Variants in RHOF observed in about 807,000 individuals in gnomAD.
The protein encoded by RHOF is ras homolog family member F, filopodia associated.
RHOF carries 21 observed loss-of-function variants against 22.2 expected under a neutral mutation model. The ratio of observed to expected loss-of-function variants is 0.95; its 90% CI spans 0.67 to 1.36. The LOEUF (loss-of-function observed/expected upper bound fraction) is 1.36. RHOF is among the 40% of genes most tolerant of loss of function. The probability of loss-of-function intolerance (pLI) is 0.00; values close to 1 mark genes in which losing one functional copy is unlikely to be tolerated. For synonymous variants in RHOF, 135 were observed against 131.2 expected (o/e 1.03, Z -0.20); for missense variants, 285 against 293.7 (o/e 0.97, Z 0.22).
intron 2 of RHOF, 65 bp from the exon 3 acceptor site, chr12:121,781,257 G>A: frequency 8.8e-6 from 13 of 1,470,714 alleles, no homozygotes; most frequent in Non-Finnish European, 1.1e-5. Flanking sequence ...GACGGGTGAA[G>A]GGGAAGGGGC....
At chr12:121,784,289 G>C (rs930374704) in intron 2 of RHOF, among the ~76,000 whole-genome samples, 9 of 151,912 alleles carry the variant, frequency 5.9e-5, no homozygotes, top group Admixed American at 3.3e-4. Flanking sequence ...GCTCATGCTT[G>C]TAATCCCAGC....
At chr12:121,787,272 T>G (rs1293270572) in intron 2 of RHOF, among the ~76,000 whole-genome samples, 1 of 152,098 alleles carries the variant, frequency 6.6e-6, no homozygotes, top group Non-Finnish European at 1.5e-5. Flanking sequence ...GCATTCCACT[T>G]CCTGACCTGT....
intron 2 of RHOF, among the ~76,000 whole-genome samples, chr12:121,784,539 C>T (rs1874557009): frequency 7.0e-6 from 1 of 142,554 alleles, no homozygotes; most frequent in African/African-American, 2.6e-5. Context: ...AGCAAGACGT[C>T]GTCTCAAAAA....
intron 2 of RHOF, 52 bp downstream of exon 2, chr12:121,793,100 A>C: frequency 6.8e-7 from 1 of 1,465,580 alleles, no homozygotes; most frequent in African/African-American, 1.4e-5. Context: ...CGGGAGGGGA[A>C]ACCCTTCGGG....
intron 2 of RHOF, among the ~76,000 whole-genome samples, chr12:121,784,963 A>G (rs1471799236): frequency 6.6e-6 from 1 of 152,296 alleles, no homozygotes; most frequent in African/African-American, 2.4e-5. Context: ...GTTTTTTTCT[A>G]TATGTACACA....
chr12:121,788,268 C>T (rs955280603), intron 2 of RHOF, among the ~76,000 whole-genome samples: 7 of 152,034 alleles, frequency 4.6e-5, no homozygotes, highest in African/African-American at 1.2e-4. Context: ...TCTTAGCCTA[C>T]CCCAGAAAAC....
chr12:121,780,551 A>C (rs1874411896), intron 4 of RHOF: 2 of 480,738 alleles, frequency 4.2e-6, no homozygotes, highest in Middle Eastern at 2.8e-4. Context: ...TTTGGATTGC[A>C]GTGGATGGGA....
intron 2 of RHOF, chr12:121,782,054 C>T (rs1874483289): frequency 1.3e-5 from 2 of 152,158 alleles, no homozygotes; most frequent in Non-Finnish European, 2.9e-5. Context: ...AGTAAAATTG[C>T]AACACGAGTA....
At chr12:121,791,206 A>G (rs1566535341) in intron 2 of RHOF, among the ~76,000 whole-genome samples, 1 of 151,754 alleles carries the variant, frequency 6.6e-6, no homozygotes, top group Admixed American at 6.6e-5. Flanking sequence ...GCTCACTGCA[A>G]CCTCTGCCTC....
At chr12:121,785,094 C>T (rs1215804083) in intron 2 of RHOF, among the ~76,000 whole-genome samples, 3 of 152,124 alleles carry the variant, frequency 2.0e-5, no homozygotes, top group South Asian at 2.1e-4. Context: ...GAAGCCAAGG[C>T]GGGAGGATCA....
rs1322383527 is a variant in RHOF, at chr12:121,783,146, AC to A, written c.227-1955del. On this transcript the variant is annotated intron_variant, in intron 2 of 4. Coordinates refer to ENST00000267205, the MANE Select transcript of RHOF (RefSeq NM_019034.3). ...GGTGGGCCCCTGTCTACTGCTGGCC[AC>A]CCCCCGCCCCTACACCATCCTCATC... 5.9e-4 allele frequency: 82 copies of A among 139,628 alleles called. 1 individual carries two copies. Among genetic ancestry groups the A allele is most frequent in the Middle Eastern group, 3.6e-3 (1 of 278 alleles). The allele number at this position is 139,628 out of a possible 1,614,324, so 8.6% of individuals were successfully genotyped here.
chr12:121,780,747 T>C, intron 4 of RHOF, 125 bp downstream of exon 4: 1 of 1,133,594 alleles, frequency 8.8e-7, no homozygotes, highest in South Asian at 1.6e-5. Context: ...TAGTTAAAAA[T>C]TATTCTTAGA....
Position 121,783,316 on chromosome 12 carries a change from G to GCCCCCCC in RHOF, c.227-2131_227-2125dup, listed in dbSNP as rs34610572. On this transcript the variant is annotated intron_variant, in intron 2 of 4. Coordinates refer to ENST00000267205, the MANE Select transcript of RHOF (RefSeq NM_019034.3). ...GAAGCATCTTCAATGGCTCCCTATT[G>GCCCCCCC]CCCCCCCCCCCACCTTTTCTTTGAG... Among the ~76,000 whole-genome samples the GCCCCCCC allele has an allele frequency of 4.3e-5, 5 of 117,082 alleles. 1 individual carries two copies. The highest frequency in any genetic ancestry group is 1.4e-4 in the African/African-American group (4 of 28,430). The allele number at this position is 117,082 out of a possible 152,430, so 76.8% of individuals were successfully genotyped here. A position where few individuals can be genotyped will look rare whatever the true frequency, so the allele number is the denominator to read the frequency against.
chr12:121,790,354 T>C (rs909050312), intron 2 of RHOF, among the ~76,000 whole-genome samples: 2 of 152,290 alleles, frequency 1.3e-5, no homozygotes, highest in African/African-American at 4.8e-5. Context: ...CTACGTTTAC[T>C]AGACTCATTT....
At chr12:121,789,686 A>C (rs2137505235) in intron 2 of RHOF, among the ~76,000 whole-genome samples, 1 of 152,222 alleles carries the variant, frequency 6.6e-6, no homozygotes, top group East Asian at 1.9e-4. Flanking sequence ...CTGGGAGTTG[A>C]GACCACCTTC....
intron 2 of RHOF, among the ~76,000 whole-genome samples, chr12:121,786,244 C>T (rs537361625): frequency 5.7e-4 from 87 of 152,004 alleles, no homozygotes; most frequent in African/African-American, 1.7e-4. Context: ...TTAGTAGAGA[C>T]GGCGTTTCAC....
At chr12:121,781,305 A>T in intron 2 of RHOF, 113 bp from the exon 3 acceptor site, 1 of 868,526 alleles carries the variant, frequency 1.2e-6, no homozygotes, top group Admixed American at 2.4e-5. Flanking sequence ...CAATTTCCTC[A>T]TCTATACAAT....
chr12:121,785,761 C>T (rs576271292), intron 2 of RHOF, among the ~76,000 whole-genome samples: 15 of 152,042 alleles, frequency 9.9e-5, no homozygotes, highest in African/African-American at 3.6e-4. Context: ...GACAGGTGCC[C>T]GCCACCACAC....
At chr12:121,792,823 G>A (rs1051937031) in intron 2 of RHOF, among the ~76,000 whole-genome samples, 4 of 152,250 alleles carry the variant, frequency 2.6e-5, no homozygotes, top group Non-Finnish European at 5.9e-5. Context: ...GACCACAGCA[G>A]GTAGCGCAGC....
Sources: gnomAD v4.1 joint callset for allele counts (sites outside exome capture counted in the v4.1 genomes callset) on GRCh38, gnomAD v4.1.1 for gene constraint, MANE v1.5 for transcripts, NCBI Gene and HGNC (gene_info 2026-07-23, HGNC 2026-07-21) for gene names.